The following LRAT variants were observed in gnomAD, a reference collection of about 807,000 sequenced individuals.
The protein encoded by LRAT is lecithin retinol acyltransferase.
In LRAT, 11 loss-of-function variants were observed where a neutral mutation model predicts 14.2. The observed-to-expected ratio is 0.78, with a 90% confidence interval of 0.49 to 1.29. LRAT has a LOEUF of 1.29. Among genes scored for constraint, LRAT ranks in the 50% most tolerant of loss-of-function variants. The probability of loss-of-function intolerance (pLI) is 0.00; values close to 1 mark genes in which losing one functional copy is unlikely to be tolerated. For missense variants in LRAT, 274 were observed against 292.4 expected (o/e 0.94, Z 0.46); for synonymous variants, 144 against 124.8 (o/e 1.15, Z -1.03).
chr4:154,744,041 GC>G lies in LRAT; in HGVS notation c.-182del, dbSNP rs1732821876. The stretch of plus-strand genomic sequence containing the variant: ...CCTGCCCCCGGCACGGCCCCCAGGT[GC>G]GCTCCTTCTCCGGCTGCTTGTAGCA... On this transcript the variant is annotated 5_prime_UTR_variant, in exon 1 of 3. Transcript: ENST00000336356. 2.1e-6 allele frequency: 1 copy of G among 483,790 alleles called. No homozygotes were observed. The highest frequency in any genetic ancestry group is 1.9e-5 in the African/African-American group (1 of 51,384). The allele number at this position is 483,790 out of a possible 1,614,324, so 30.0% of individuals were successfully genotyped here.
rs963413343 is a variant in LRAT at position 154,750,782 on chromosome 4, C to T, written c.*1646C>T. The stretch of plus-strand genomic sequence containing the variant: ...TAAAAGCAACCACTATGAGAACTAC[C>T]GTGTTAGTGGTTTTTCACTTACTGT... On this transcript the variant is annotated 3_prime_UTR_variant, in exon 3 of 3. Transcript: ENST00000336356. 3.3e-5 allele frequency: 5 copies of T among 152,070 alleles called. No individual in the cohort carries two copies. Among genetic ancestry groups the T allele is most frequent in the Admixed American group, 1.3e-4 (2 of 15,278 alleles). 9.4% of individuals were successfully genotyped at this position (152,070 alleles called of 1,614,324 possible).
rs749322180 is a variant in LRAT, at chr4:154,752,498, C to G, written c.*3362C>G. 1 of 151,880 alleles carries G rather than the reference C, an allele frequency of 6.6e-6. No individual in the cohort carries two copies. Among genetic ancestry groups the G allele is most frequent in the Non-Finnish European group, 1.5e-5 (1 of 68,006 alleles). The allele number at this position is 151,880 out of a possible 1,614,324, so 9.4% of individuals were successfully genotyped here. A position where few individuals can be genotyped will look rare whatever the true frequency, so the allele number is the denominator to read the frequency against. On this transcript the variant is annotated 3_prime_UTR_variant, in exon 3 of 3. Coordinates refer to ENST00000336356, the MANE Select transcript of LRAT (RefSeq NM_004744.5). ...AAGTTTAGACTTTTGAACAGGCAAT[C>G]GAGATTTGGGGTTCAGAAAGATAAA... is the stretch of plus-strand genomic sequence containing the variant.
At position 154,752,469 on chromosome 4, in the gene LRAT, C is replaced by T. The variant is rs761631328; in HGVS notation, c.*3333C>T. 3 of 152,002 alleles carry T rather than the reference C, an allele frequency of 2.0e-5. No individual in the cohort carries two copies. The highest frequency in any genetic ancestry group is 6.6e-5 in the Admixed American group (1 of 15,260). 9.4% of individuals were successfully genotyped at this position (152,002 alleles called of 1,614,324 possible). ...GGTCTGGTACAAGTCTTGTATAGAA[C>T]AAGAAGTTTAGACTTTTGAACAGGC... On this transcript the variant is annotated 3_prime_UTR_variant, in exon 3 of 3. Coordinates refer to ENST00000336356, the MANE Select transcript of LRAT (RefSeq NM_004744.5).
At position 154,749,112 on chromosome 4, in the gene LRAT, A is replaced by C. The variant is rs757377990; in HGVS notation, c.669A>C (p.Pro223=). ...CTACCCTTCCTGCAATTTTTATTCC[A>C]TTCTTCCTATGGATGGCTGGCTAAC... is the stretch of plus-strand genomic sequence containing the variant. The part of the protein sequence containing the change: ...SYTTLPAIFI[P]FFLWMAG Residue 223 remains proline (P), a synonymous_variant, in exon 3 of 3, where the codon CCA becomes CCC. Coordinates refer to ENST00000336356, the MANE Select transcript of LRAT (RefSeq NM_004744.5). 1 of 1,613,708 alleles carries C rather than the reference A, an allele frequency of 6.2e-7. No individual in the cohort carries two copies. Among genetic ancestry groups the C allele is most frequent in the Non-Finnish European group, 8.5e-7 (1 of 1,179,714 alleles).
intron 2 of LRAT, chr4:154,745,648 A>G (rs527935960): frequency 5.9e-5 from 9 of 152,222 alleles, no homozygotes; most frequent in African/African-American, 2.2e-4. Context: ...TATTTAATCC[A>G]TAACACTATA....
Position 154,748,162 on chromosome 4 carries a change from T to A in LRAT, c.541-822T>A, listed in dbSNP as rs1044739284. 7 of 903,624 alleles carry A rather than the reference T, an allele frequency of 7.7e-6. No individual in the cohort carries two copies. In the African/African-American group the frequency reaches 9.0e-5, roughly 12 times the overall value. 56.0% of individuals were successfully genotyped at this position (903,624 alleles called of 1,614,324 possible). On this transcript the variant is annotated intron_variant, in intron 2 of 2. Coordinates refer to ENST00000336356, the MANE Select transcript of LRAT (RefSeq NM_004744.5). ...TCAACAAATAGAGTACTAATAATAA[T>A]CACTGTAATACCTTATGTTTATACA...
chr4:154,741,282 T>C (rs1732764660), upstream of LRAT, among the ~76,000 whole-genome samples: 1 of 152,152 alleles, frequency 6.6e-6, no homozygotes, highest in African/African-American at 2.4e-5. Flanking sequence ...TAATCATCGC[T>C]AACCGCTTCC....
upstream of LRAT, among the ~76,000 whole-genome samples, chr4:154,743,357 C>T (rs1189056942): frequency 1.3e-5 from 2 of 151,896 alleles, no homozygotes; most frequent in Non-Finnish European, 2.9e-5. Flanking sequence ...AAAAATTAGC[C>T]AGGCGTGGTG....
chr4:154,744,874 G>T lies in LRAT; in HGVS notation c.540+8G>T. On this transcript the variant is annotated splice_region_variant and intron_variant, in intron 2 of 2. Coordinates refer to ENST00000336356, the MANE Select transcript of LRAT (RefSeq NM_004744.5). ...AGTCCCCAGTCCGACAAGGTATGAT[G>T]TGTGACTCCCAGGGGAAGTGGGCTC... 1 of 1,612,342 alleles carries T rather than the reference G, an allele frequency of 6.2e-7. No individual in the cohort carries two copies. The highest frequency in any genetic ancestry group is 8.5e-7 in the Non-Finnish European group (1 of 1,179,996).
Position 154,744,729 on chromosome 4 carries a change from GCA to G in LRAT, c.405_406del (p.Leu136AlafsTer10). On this transcript the variant is annotated frameshift_variant, in exon 2 of 3. Coordinates refer to ENST00000336356, the MANE Select transcript of LRAT (RefSeq NM_004744.5). LOFTEE classifies it high-confidence loss of function. ...CCTGGACGAGTCCCTCCAGAAAAAG[GCA>G]CTGCTCAACGAGGAGGTGGCGCGGA... ...NHLDESLQKK[A>X]LLNEEVARRA... 1 of 1,614,212 alleles carries G rather than the reference GCA, an allele frequency of 6.2e-7. No homozygotes were observed. The highest frequency in any genetic ancestry group is 8.5e-7 in the Non-Finnish European group (1 of 1,180,042).
upstream of LRAT, chr4:154,740,873 A>G (rs956008818): frequency 6.6e-6 from 1 of 152,258 alleles, no homozygotes; most frequent in Non-Finnish European, 1.5e-5. Context: ...GGTCCGGGAA[A>G]CCAGAGGTCT....
rs1190465497 is a variant in LRAT at position 154,752,728 on chromosome 4, G to T, written c.*3592G>T. 6.6e-6 allele frequency: 1 copy of T among 152,174 alleles called. No homozygotes were observed. Among genetic ancestry groups the T allele is most frequent in the Non-Finnish European group, 1.5e-5 (1 of 68,020 alleles). 9.4% of individuals were successfully genotyped at this position (152,174 alleles called of 1,614,324 possible). A position where few individuals can be genotyped will look rare whatever the true frequency, so the allele number is the denominator to read the frequency against. On this transcript the variant is annotated 3_prime_UTR_variant, in exon 3 of 3. Coordinates refer to ENST00000336356, the MANE Select transcript of LRAT (RefSeq NM_004744.5). ...GAAGACTCATTCACTTTTCTTTCCT[G>T]CCAGAAAGTTGGTTCTTGCAAAATA...
intron 2 of LRAT, 29 bp downstream of exon 2, chr4:154,744,895 G>A (rs1732851239): frequency 1.2e-6 from 2 of 1,609,366 alleles, no homozygotes; most frequent in Non-Finnish European, 1.7e-6. Flanking sequence ...AGGGGAAGTG[G>A]GCTCCGCGGA....
Sources: allele counts gnomAD v4.1 joint callset (sites outside exome capture counted in the v4.1 genomes callset), GRCh38; gene constraint gnomAD v4.1.1; transcripts MANE v1.5; gene names NCBI Gene and HGNC (gene_info 2026-07-23, HGNC 2026-07-21).